AMT: variants seen among roughly 807,000 people sequenced by gnomAD.
AMT encodes the protein aminomethyltransferase, mitochondrial.
A neutral mutation model predicts 39.5 loss-of-function variants in AMT; 24 were observed. That is an observed-to-expected ratio of 0.61 (90% CI 0.44 to 0.86). The LOEUF (loss-of-function observed/expected upper bound fraction) is 0.86. AMT is among the 40% of genes least tolerant of loss of function. The pLI is 0.00. For synonymous variants in AMT, 210 were observed against 212.1 expected (o/e 0.99, Z 0.09); for missense variants, 501 against 537.0 (o/e 0.93, Z 0.66).
At chr3:49,420,423 C>A in intron 3 of AMT, 81 bp from the exon 4 acceptor site, 1 of 1,604,912 alleles carries the variant, frequency 6.2e-7, no homozygotes, top group Non-Finnish European at 8.5e-7. Flanking sequence ...CCTGGACCCA[C>A]TTAGTTACCA....
In AMT at chr3:49,419,050, C is replaced by T. The variant is rs749832818; in HGVS notation, c.798G>A (p.Leu266=). 6 of 1,614,102 alleles carry T rather than the reference C, an allele frequency of 3.7e-6. No individual in the cohort carries two copies. The South Asian group carries it at 5.5e-5, about 15-fold the overall frequency. The change falls in exon 7 of 9, where the codon CTG becomes CTA. Residue 266 remains leucine (L), a synonymous_variant. Transcript: ENST00000273588. ...TCCCATACAGGCAGAGGCCTGCCTC[C>T]AGGCGCAGGCTGTCCCTGGCTGCCA... ...AGLAARDSLR[L]EAGLCLYGND...
chr3:49,419,026 C>G lies in AMT; in HGVS notation c.822G>C (p.Gly274=), dbSNP rs763963724. Residue 274 remains glycine (G), a synonymous_variant, in exon 7 of 9, where the codon GGG becomes GGC. Coordinates refer to ENST00000273588, the MANE Select transcript of AMT (RefSeq NM_000481.4). ...LRLEAGLCLY[G]NDIDEHTTPV... ...GTGTAGTGTGTTCATCAATGTCATT[C>G]CCATACAGGCAGAGGCCTGCCTCCA... 64 of 1,613,944 alleles carry G rather than the reference C, an allele frequency of 4.0e-5. No individual in the cohort carries two copies. In the South Asian group the frequency reaches 7.0e-4, roughly 18 times the overall value.
At chr3:49,419,932 C>G (rs2049070762) in intron 4 of AMT, 144 bp from the exon 5 acceptor site, 3 of 881,540 alleles carry the variant, frequency 3.4e-6, no homozygotes, top group Non-Finnish European at 5.6e-6. Context: ...TGGTTCCCAT[C>G]TTACAAGGTC....
Position 49,422,261 on chromosome 3 carries a change from C to T in AMT, c.101G>A (p.Arg34His), listed in dbSNP as rs138259479. 1,004 of 1,614,046 alleles carry T rather than the reference C, an allele frequency of 6.2e-4. 4 individuals carry two copies. The highest frequency in any genetic ancestry group is 3.1e-3 in the Middle Eastern group (19 of 6,062). Residue 34 changes from arginine (R) to histidine (H), a missense_variant, in exon 2 of 9, where the codon CGC becomes CAC. By Grantham distance (29) the Arg-to-His change is conservative. Transcript: ENST00000273588. ...GTGGAAGTCATAGAGCGGTGTCCTGCGGAGCACCTCCTGTGGGCGGCTGGG... is the reference window on the plus strand; with the variant it reads ...GTGGAAGTCATAGAGCGGTGTCCTGTGGAGCACCTCCTGTGGGCGGCTGGG... ...RPLSCAQEVLRRTPLYDFHLA... is the reference protein window; with the variant it reads ...RPLSCAQEVLHRTPLYDFHLA...
Position 49,417,261 on chromosome 3 carries a change from G to A in AMT, c.*279C>T. The A allele has an allele frequency of 6.3e-7, 1 of 1,595,268 alleles. No individual in the cohort carries two copies. The highest frequency in any genetic ancestry group is 8.5e-7 in the Non-Finnish European group (1 of 1,175,974). On this transcript the variant is annotated 3_prime_UTR_variant, in exon 9 of 9. Transcript: ENST00000273588. ...GAGTGGGAGAGATGGCAGAACCAAA[G>A]CTTCTCATTACCCTCCAGCAGGCAA...
chr3:49,421,614 CA>C, intron 2 of AMT, 42 bp from the exon 3 acceptor site: 5 of 1,567,108 alleles, frequency 3.2e-6, no homozygotes, highest in Non-Finnish European at 4.4e-6. Flanking sequence ...GCAACAGCTA[CA>C]ATCCAAAAGG....
chr3:49,417,995 A>C (rs1473025080), intron 7 of AMT, 22 bp from the exon 8 acceptor site: 1 of 1,594,236 alleles, frequency 6.3e-7, no homozygotes, highest in Non-Finnish European at 8.5e-7. Context: ...CACATGAGAC[A>C]TAAGCCACAG....
rs2049102110 is a variant in AMT, at chr3:49,421,541, A to G, written c.290T>C (p.Leu97Pro). Residue 97 changes from leucine to proline, a missense_variant, in exon 3 of 9, where the codon CTG becomes CCG. By Grantham distance (98) the Leu-to-Pro change is moderately conservative. Coordinates refer to ENST00000273588, the MANE Select transcript of AMT (RefSeq NM_000481.4). ...GTCTCCAACCACTAGACTCTCCATC[A>G]GCTTCACCCGGTCACTACCAAGTAT... ...TKILGSDRVK[L>P]MESLVVGDIA... 2 of 1,614,088 alleles carry G rather than the reference A, an allele frequency of 1.2e-6. No homozygotes were observed. The highest frequency in any genetic ancestry group is 2.2e-5 in the South Asian group (2 of 91,096).
rs542652018 is a variant in AMT at position 49,417,520 on chromosome 3, A to G, written c.*20T>C. ...TAGGGGCAAAACTCCTGGAAGGGAC[A>G]GCCCCACCCTGAGCCAGCTTCACTT... On this transcript the variant is annotated 3_prime_UTR_variant, in exon 9 of 9. Coordinates refer to ENST00000273588, the MANE Select transcript of AMT (RefSeq NM_000481.4). 1.9e-6 allele frequency: 3 copies of G among 1,614,202 alleles called. No homozygotes were observed. Among genetic ancestry groups the G allele is most frequent in the African/African-American group, 2.7e-5 (2 of 75,052 alleles).
In AMT at chr3:49,422,191, C is replaced by T; in HGVS notation, c.171G>A (p.Leu57=). Residue 57 remains leucine, a synonymous_variant, in exon 2 of 9, where the codon CTG becomes CTA. Coordinates refer to ENST00000273588, the MANE Select transcript of AMT (RefSeq NM_000481.4). ...GKMVAFAGWS[L]PVQYRDSHTD... ...TGTGACTGTCCCGGTACTGCACTGG[C>T]AGACTCCAACCCGCAAACGCCACCA... 6.2e-7 allele frequency: 1 copy of T among 1,614,008 alleles called. No homozygotes were observed. Among genetic ancestry groups the T allele is most frequent in the Non-Finnish European group, 8.5e-7 (1 of 1,180,042 alleles).
At chr3:49,421,682 A>C in intron 2 of AMT, 110 bp from the exon 3 acceptor site, 11 of 939,924 alleles carry the variant, frequency 1.2e-5, no homozygotes, top group Non-Finnish European at 1.4e-5. Context: ...GCCCACCCAA[A>C]GTGACTAACC....
At chr3:49,422,011 GA>G in intron 2 of AMT, 92 bp downstream of exon 2, 7 of 1,569,696 alleles carry the variant, frequency 4.5e-6, no homozygotes, top group Non-Finnish European at 5.2e-6. Context: ...GCTGTCCTTG[GA>G]ATCCAGTTCA....
At position 49,422,423 on chromosome 3, in the gene AMT, G is replaced by A. The variant is rs774408322; in HGVS notation, c.28C>T (p.Arg10Cys). The stretch of plus-strand genomic sequence containing the variant: ...AATGCCTGCAGGCGAAAGCCCAGAC[G>A]GGCCACCACACTTACAGCCCTCTGC... MQRAVSVVARLGFRLQAFPP... is the reference protein window; with the variant it reads MQRAVSVVACLGFRLQAFPP... Residue 10 changes from arginine to cysteine, a missense_variant, in exon 1 of 9, where the codon CGT (arginine) becomes TGT (cysteine). Coordinates refer to ENST00000273588, the MANE Select transcript of AMT (RefSeq NM_000481.4). 6.2e-6 allele frequency: 10 copies of A among 1,613,304 alleles called. No individual in the cohort carries two copies. The highest frequency in any genetic ancestry group is 1.1e-5 in the South Asian group (1 of 91,072).
At position 49,419,034 on chromosome 3, in the gene AMT, G is replaced by A; in HGVS notation, c.814C>T (p.Leu272=). The change falls in exon 7 of 9, where the codon CTG becomes TTG. Residue 272 remains leucine, a synonymous_variant. Coordinates refer to ENST00000273588, the MANE Select transcript of AMT (RefSeq NM_000481.4). The stretch of plus-strand genomic sequence containing the variant: ...TGTTCATCAATGTCATTCCCATACA[G>A]GCAGAGGCCTGCCTCCAGGCGCAGG... ...DSLRLEAGLC[L]YGNDIDEHTT... is the part of the protein sequence containing the mutation. 1 of 1,613,976 alleles carries A rather than the reference G, an allele frequency of 6.2e-7. No homozygotes were observed. The highest frequency in any genetic ancestry group is 2.2e-5 in the East Asian group (1 of 44,862).
intron 7 of AMT, 61 bp downstream of exon 7, chr3:49,418,910 A>G: frequency 1.3e-6 from 2 of 1,556,568 alleles, no homozygotes; most frequent in South Asian, 2.2e-5. Flanking sequence ...TGGGCTGGCT[A>G]GTCTTATCAA....
Position 49,419,267 on chromosome 3 carries a change from C to T in AMT, c.689G>A (p.Gly230Asp). 1.2e-6 allele frequency: 2 copies of T among 1,614,166 alleles called. No homozygotes were observed. Among genetic ancestry groups the T allele is most frequent in the South Asian group, 1.1e-5 (1 of 91,082 alleles). The change falls in exon 6 of 9, where the codon GGT (glycine) becomes GAT (aspartate). Residue 230 changes from glycine (G) to aspartate (D), a missense_variant. Coordinates refer to ENST00000273588, the MANE Select transcript of AMT (RefSeq NM_000481.4). ...VTRCGYTGED[G>D]VEISVPVAGA... Reference sequence around the variant, plus strand: ...CACCACTTCTTGACACACCTCCACACCATCCTCTCCTGTGTAGCCACAGCG... The same window carrying T: ...CACCACTTCTTGACACACCTCCACATCATCCTCTCCTGTGTAGCCACAGCG...
rs576365400 is a variant in AMT at position 49,419,200 on chromosome 3, C to A, written c.697-49G>T. 3 of 1,613,588 alleles carry A rather than the reference C, an allele frequency of 1.9e-6. No individual in the cohort carries two copies. The Admixed American group carries it at 5.0e-5, about 27-fold the overall frequency. On this transcript the variant is annotated intron_variant, in intron 6 of 8. Coordinates refer to ENST00000273588, the MANE Select transcript of AMT (RefSeq NM_000481.4). ...ATGGGAAGCTCCCTGTACCACATAC[C>A]CCCAACCCCTCACATGCATCCTGTG...
In AMT at chr3:49,419,076, GC is replaced by G; in HGVS notation, c.771del (p.Leu258TrpfsTer55). ...ILKNPEVKLA[G>X]LAARDSLRLE... ...AGGCGCAGGCTGTCCCTGGCTGCCA[GC>G]CCTGCCAGCTTCACCTCTGGGTTTT... On this transcript the variant is annotated frameshift_variant, in exon 7 of 9. Coordinates refer to ENST00000273588, the MANE Select transcript of AMT (RefSeq NM_000481.4). LOFTEE classifies it high-confidence loss of function. 1 of 1,614,062 alleles carries G rather than the reference GC, an allele frequency of 6.2e-7. No homozygotes were observed. The highest frequency in any genetic ancestry group is 8.5e-7 in the Non-Finnish European group (1 of 1,180,008).
chr3:49,418,503 T>TTTTTC (rs2049039264), intron 7 of AMT: 1 of 141,420 alleles, frequency 7.1e-6, no homozygotes, highest in African/African-American at 2.8e-5. Context: ...TCTTTTTTTT[T>TTTTTC]TTTTTTTTTT....
Sources: gnomAD v4.1 joint callset for allele counts on GRCh38, gnomAD v4.1.1 for gene constraint, MANE v1.5 for transcripts, NCBI Gene and HGNC (gene_info 2026-07-23, HGNC 2026-07-21) for gene names.